The following CCDC141 variants were observed in gnomAD, a reference collection of about 807,000 sequenced individuals.
CCDC141 encodes the protein coiled-coil domain-containing protein 141.
Under a neutral mutation model 181.0 loss-of-function variants are expected in CCDC141, and 168 were observed. That is an observed-to-expected ratio of 0.93 (90% confidence interval 0.82 to 1.05). The LOEUF (loss-of-function observed/expected upper bound fraction) is 1.05, where lower values mean the gene tolerates loss of function less well. Ranked by LOEUF, CCDC141 falls within the 50% of genes least tolerant of loss-of-function variation. The pLI, the probability that CCDC141 is intolerant of heterozygous loss-of-function variation, is 0.00. For synonymous variants in CCDC141, 666 were observed against 642.3 expected (o/e 1.04, Z -0.56); for missense variants, 1,902 against 1,788.5 (o/e 1.06, Z -1.14).
chr2:178,869,819 A>G (rs977947337), intron 14 of CCDC141, among the ~76,000 whole-genome samples: 1 of 152,240 alleles, frequency 6.6e-6, no homozygotes, highest in Non-Finnish European at 1.5e-5. Flanking sequence ...CGGTCATCCC[A>G]TGATCCACAA....
chr2:178,891,170 ATTGG>A lies in CCDC141; in HGVS notation c.1266-2506_1266-2503del, dbSNP rs530925470. ...GGAAATTTAAGGAAAAACAGATTAC[ATTGG>A]TTTAGTTTGTACCATAAAATTCCAT... On this transcript the variant is annotated intron_variant, in intron 8 of 23. Coordinates refer to ENST00000443758, the MANE Select transcript of CCDC141 (RefSeq NM_173648.4). Among the ~76,000 whole-genome samples the A allele has an allele frequency of 1.2e-3, 187 of 152,302 alleles. 1 individual carries two copies. Among genetic ancestry groups the A allele is most frequent in the Non-Finnish European group, 2.3e-3 (159 of 68,028 alleles).
intron 20 of CCDC141, among the ~76,000 whole-genome samples, chr2:178,852,829 C>G (rs1450730595): frequency 6.6e-6 from 1 of 152,196 alleles, no homozygotes; most frequent in Non-Finnish European, 1.5e-5. Flanking sequence ...AATGGGGGGC[C>G]TCTTTTAGGA....
In CCDC141 at chr2:178,869,165, G is replaced by A. The variant is rs150796414; in HGVS notation, c.2346C>T (p.Tyr782=). 25 of 1,613,038 alleles carry A rather than the reference G, an allele frequency of 1.5e-5. No individual in the cohort carries two copies. Among genetic ancestry groups the A allele is most frequent in the African/African-American group, 1.1e-4 (8 of 74,952 alleles). ...HQKQKERIQD[Y]EDILYKVVQF... ...GGACCACCTTGTACAGGATATCCTC[G>A]TAATCCTGGATTCTCTCTTTCTGTT... The change falls in exon 15 of 24, where the codon TAC becomes TAT. Residue 782 remains tyrosine (Y), a synonymous_variant. Coordinates refer to ENST00000443758, the MANE Select transcript of CCDC141 (RefSeq NM_173648.4).
chr2:178,883,346 GAT>G (rs1278666985), intron 11 of CCDC141, among the ~76,000 whole-genome samples: 2 of 152,054 alleles, frequency 1.3e-5, no homozygotes, highest in African/African-American at 4.8e-5. Flanking sequence ...TCCATGATGT[GAT>G]TATTACACAT....
Position 178,832,601 on chromosome 2 carries a change from T to C in CCDC141, c.*1572A>G, listed in dbSNP as rs1684303498. 6.6e-6 allele frequency: 1 copy of C among 152,078 alleles called. No homozygotes were observed. The highest frequency in any genetic ancestry group is 1.5e-5 in the Non-Finnish European group (1 of 68,002). The allele number at this position is 152,078 out of a possible 1,614,324, so 9.4% of individuals were successfully genotyped here. A position where few individuals can be genotyped will look rare whatever the true frequency, so the allele number is the denominator to read the frequency against. ...ACTGAGATTTAATTTTTTAATTAAA[T>C]TGGATATGCAGCCCAAGAAAGTATA... is the stretch of plus-strand genomic sequence containing the variant. On this transcript the variant is annotated 3_prime_UTR_variant, in exon 24 of 24. Coordinates refer to ENST00000443758, the MANE Select transcript of CCDC141 (RefSeq NM_173648.4).
chr2:178,869,995 G>A (rs980099950), intron 14 of CCDC141, among the ~76,000 whole-genome samples: 26 of 152,270 alleles, frequency 1.7e-4, no homozygotes, highest in African/African-American at 6.3e-4. Context: ...ACTTTGGGAG[G>A]CCAAGGAGGG....
intron 12 of CCDC141, chr2:178,873,457 CATAA>C (rs1162160064): frequency 1.3e-5 from 2 of 151,980 alleles, no homozygotes; most frequent in African/African-American, 2.4e-5. Context: ...ATACTTTTAT[CATAA>C]ATAAAATTAT....
chr2:178,860,004 T>G (rs1248000346), intron 17 of CCDC141, among the ~76,000 whole-genome samples: 1 of 152,200 alleles, frequency 6.6e-6, no homozygotes, highest in Non-Finnish European at 1.5e-5. Context: ...AAAACAGAAA[T>G]GCATTTAATG....
intron 4 of CCDC141, among the ~76,000 whole-genome samples, chr2:178,965,229 G>A (rs1380931603): frequency 2.0e-5 from 3 of 152,132 alleles, no homozygotes; most frequent in Non-Finnish European, 2.9e-5. Context: ...ATAATTAACA[G>A]GTATTTTCAA....
intron 4 of CCDC141, among the ~76,000 whole-genome samples, chr2:178,970,948 G>A (rs965684418): frequency 1.3e-5 from 2 of 152,156 alleles, no homozygotes; most frequent in Admixed American, 6.5e-5. Flanking sequence ...AGTGGCTCAC[G>A]CCTGTAATCC....
At chr2:178,944,119 A>T (rs1000848586) in intron 6 of CCDC141, among the ~76,000 whole-genome samples, 2 of 152,196 alleles carry the variant, frequency 1.3e-5, no homozygotes, top group Admixed American at 1.3e-4. Context: ...CCTAGAACTG[A>T]ATTTCAAATC....
At position 178,961,629 on chromosome 2, in the gene CCDC141, A is replaced by G. The variant is rs1690406791; in HGVS notation, c.527-146T>C. 8 of 732,952 alleles carry G rather than the reference A, an allele frequency of 1.1e-5. No individual in the cohort carries two copies. In the South Asian group the frequency reaches 1.3e-4, roughly 12 times the overall value. The allele number at this position is 732,952 out of a possible 1,614,324, so 45.4% of individuals were successfully genotyped here. A position where few individuals can be genotyped will look rare whatever the true frequency, so the allele number is the denominator to read the frequency against. ...CTGCAAGGAATTAAAATATGTAAACAGAAACTGCCTACAGTACTTCAGAGA... is the reference window on the plus strand; with the variant it reads ...CTGCAAGGAATTAAAATATGTAAACGGAAACTGCCTACAGTACTTCAGAGA... On this transcript the variant is annotated intron_variant, in intron 4 of 23. Coordinates refer to ENST00000443758, the MANE Select transcript of CCDC141 (RefSeq NM_173648.4).
At chr2:178,932,447 A>G (rs1034525458) in intron 6 of CCDC141, among the ~76,000 whole-genome samples, 3 of 152,044 alleles carry the variant, frequency 2.0e-5, no homozygotes, top group Non-Finnish European at 4.4e-5. Flanking sequence ...AAGATGCTAT[A>G]TGTTGCCACT....
intron 15 of CCDC141, 92 bp from the exon 16 acceptor site, chr2:178,868,297 G>T: frequency 9.4e-7 from 1 of 1,065,822 alleles, no homozygotes; most frequent in Non-Finnish European, 1.4e-6. Flanking sequence ...TTGCTAGCTG[G>T]TCGAAATGCT....
chr2:178,932,472 T>G (rs1018159135), intron 6 of CCDC141, among the ~76,000 whole-genome samples: 13 of 152,164 alleles, frequency 8.5e-5, no homozygotes, highest in Non-Finnish European at 1.9e-4. Context: ...ATAATGTATA[T>G]CTACACGGTT....
intron 5 of CCDC141, among the ~76,000 whole-genome samples, chr2:178,959,380 A>G (rs925038624): frequency 6.6e-6 from 1 of 152,156 alleles, no homozygotes; most frequent in Non-Finnish European, 1.5e-5. Context: ...AGGGGATAGC[A>G]GCTCTGGGAA....
intron 2 of CCDC141, among the ~76,000 whole-genome samples, chr2:179,023,454 A>AT (rs1178152253): frequency 6.6e-6 from 1 of 152,238 alleles, no homozygotes; most frequent in Non-Finnish European, 1.5e-5. Context: ...AACTCATATG[A>AT]TTTTTTAAAT....
chr2:178,877,870 T>C, intron 12 of CCDC141, 94 bp downstream of exon 12: 1 of 1,205,582 alleles, frequency 8.3e-7, no homozygotes, highest in Non-Finnish European at 1.2e-6. Flanking sequence ...AGGAGAGAAC[T>C]GCTGATTAAT....
intron 2 of CCDC141, among the ~76,000 whole-genome samples, chr2:178,983,107 G>A (rs1016864788): frequency 2.6e-5 from 4 of 152,192 alleles, no homozygotes; most frequent in Non-Finnish European, 5.9e-5. Flanking sequence ...CCAGTACGCA[G>A]CTGGAGATCT....
Sources: gnomAD v4.1 joint callset for allele counts (sites outside exome capture counted in the v4.1 genomes callset) on GRCh38, gnomAD v4.1.1 for gene constraint, MANE v1.5 for transcripts, NCBI Gene and HGNC (gene_info 2026-07-23, HGNC 2026-07-21) for gene names.